Variants in ABCB11 observed in about 807,000 individuals in gnomAD.
ABCB11 encodes bile salt export pump.
A neutral mutation model predicts 148.0 loss-of-function variants in ABCB11; 95 were observed. That is an observed-to-expected ratio of 0.64 (90% CI 0.54 to 0.76). The LOEUF is 0.76. ABCB11 is among the 30% of genes least tolerant of loss of function. The pLI is 0.00. For missense variants in ABCB11, 1,523 were observed against 1,617.8 expected, an observed-to-expected ratio of 0.94 and a Z score of 1.01; for synonymous variants, 591 against 555.4, an observed-to-expected ratio of 1.06 and a Z score of -0.90.
chr2:168,969,598 C>A, intron 15 of ABCB11, 47 bp from the exon 16 acceptor site: 2 of 1,497,850 alleles, frequency 1.3e-6, no homozygotes, highest in Non-Finnish European at 9.2e-7. Context: ...TGAGACAGAG[C>A]TGACACTGAC....
At chr2:168,962,669 A>G (rs1050698838) in intron 18 of ABCB11, among the ~76,000 whole-genome samples, 14 of 151,770 alleles carry the variant, frequency 9.2e-5, no homozygotes, top group African/African-American at 1.4e-4. Context: ...TTATGGTTCA[A>G]TAGAAATGTC....
chr2:168,948,307 A>G (rs1413779440), intron 19 of ABCB11, among the ~76,000 whole-genome samples: 1 of 151,736 alleles, frequency 6.6e-6, no homozygotes, highest in Non-Finnish European at 1.5e-5. Flanking sequence ...ATCCAACCCT[A>G]TTCCCTACAC....
At chr2:168,995,633 C>A (rs1230871081) in intron 6 of ABCB11, among the ~76,000 whole-genome samples, 151 bp from the exon 7 acceptor site, 2 of 151,954 alleles carry the variant, frequency 1.3e-5, no homozygotes, top group Non-Finnish European at 2.9e-5. Flanking sequence ...GATGTGAGCT[C>A]TGTCATCTGC....
chr2:168,925,483 G>A (rs1691266683), intron 26 of ABCB11, among the ~76,000 whole-genome samples: 1 of 152,194 alleles, frequency 6.6e-6, no homozygotes, highest in South Asian at 2.1e-4. Flanking sequence ...AACTATTCTA[G>A]CTAGGGTATC....
chr2:169,004,683 T>G (rs1440262628), intron 5 of ABCB11, among the ~76,000 whole-genome samples: 1 of 152,216 alleles, frequency 6.6e-6, no homozygotes, highest in East Asian at 1.9e-4. Context: ...TTCAGAGATT[T>G]CATCTTGGTT....
chr2:168,924,524 G>T, intron 27 of ABCB11, 133 bp downstream of exon 27: 2 of 770,826 alleles, frequency 2.6e-6, no homozygotes, highest in Non-Finnish European at 2.0e-6. Context: ...TTGTCTTTTG[G>T]TTCCACAAAG....
intron 10 of ABCB11, 56 bp downstream of exon 10, chr2:168,986,054 A>G (rs1304520550): frequency 7.4e-7 from 1 of 1,342,898 alleles, no homozygotes; most frequent in African/African-American, 1.5e-5. Flanking sequence ...TAATCCATGG[A>G]CTTTTCTGAG....
At chr2:168,925,252 G>T (rs1265444039) in intron 26 of ABCB11, among the ~76,000 whole-genome samples, 1 of 152,176 alleles carries the variant, frequency 6.6e-6, no homozygotes, top group Admixed American at 6.5e-5. Flanking sequence ...CACAGGCTTT[G>T]GTTAGAAGCT....
intron 13 of ABCB11, among the ~76,000 whole-genome samples, chr2:168,973,207 A>G (rs1040777192): frequency 2.0e-5 from 3 of 152,066 alleles, no homozygotes; most frequent in Admixed American, 1.3e-4. Flanking sequence ...ACAGTTATGC[A>G]TAGCTAAGCG....
At chr2:168,964,435 G>A in intron 17 of ABCB11, 127 bp from the exon 18 acceptor site, 2 of 760,186 alleles carry the variant, frequency 2.6e-6, no homozygotes, top group East Asian at 2.8e-5. Flanking sequence ...ATGGTAACCA[G>A]GAAAGGGAGC....
At chr2:168,953,452 C>CTTTTTTTTTTTTTTTTTT (rs35351007) in intron 19 of ABCB11, among the ~76,000 whole-genome samples, 1 of 142,666 alleles carries the variant, frequency 7.0e-6, no homozygotes, top group African/African-American at 2.6e-5. Flanking sequence ...ATTATCTTGT[C>CTTTTTTTTTTTTTTTTTT]TTTTTTTTTT....
chr2:168,990,972 G>A, intron 8 of ABCB11, 47 bp from the exon 9 acceptor site: 2 of 1,597,110 alleles, frequency 1.3e-6, no homozygotes, highest in Non-Finnish European at 1.7e-6. Context: ...CAAGAAATTA[G>A]GTAAGTCAGT....
intron 25 of ABCB11, among the ~76,000 whole-genome samples, chr2:168,927,762 T>C (rs1183655469): frequency 2.0e-5 from 3 of 152,178 alleles, no homozygotes; most frequent in African/African-American, 7.2e-5. Flanking sequence ...TTTTGGGCAA[T>C]ATAAGGGTCA....
intron 2 of ABCB11, among the ~76,000 whole-genome samples, 180 bp from the exon 3 acceptor site, chr2:169,016,979 T>TACACACACACACAC (rs71397686): frequency 3.5e-4 from 49 of 138,098 alleles, no homozygotes; most frequent in African/African-American, 1.1e-3. Flanking sequence ...TCTATCTTTC[T>TACACACACACACAC]ACACACACAC....
At chr2:168,976,329 T>C (rs1693900795) in intron 12 of ABCB11, among the ~76,000 whole-genome samples, 1 of 152,128 alleles carries the variant, frequency 6.6e-6, no homozygotes, top group South Asian at 2.1e-4. Context: ...GTCATACAGT[T>C]CATTTAGCCT....
intron 21 of ABCB11, among the ~76,000 whole-genome samples, chr2:168,943,706 G>T (rs924507504): frequency 6.6e-6 from 1 of 151,944 alleles, no homozygotes; most frequent in Non-Finnish European, 1.5e-5. Flanking sequence ...TCCATGATCC[G>T]TTGAAATTCT....
At chr2:168,976,778 G>T in intron 11 of ABCB11, 91 bp from the exon 12 acceptor site, 1 of 751,438 alleles carries the variant, frequency 1.3e-6, no homozygotes, top group Non-Finnish European at 2.3e-6. Context: ...CATCTTTGGC[G>T]TATCTCTGCA....
intron 5 of ABCB11, among the ~76,000 whole-genome samples, chr2:169,004,523 TG>T (rs1248847621): frequency 6.6e-6 from 1 of 152,206 alleles, no homozygotes; most frequent in Non-Finnish European, 1.5e-5. Flanking sequence ...AAGTTGTGGT[TG>T]TTTTTTTATT....
chr2:168,984,167 G>C (rs1426735104), intron 10 of ABCB11, among the ~76,000 whole-genome samples: 4 of 152,040 alleles, frequency 2.6e-5, no homozygotes, highest in African/African-American at 9.7e-5. Context: ...GGGAGAGGGA[G>C]CAGGATAAGA....
Sources: allele counts gnomAD v4.1 joint callset (sites outside exome capture counted in the v4.1 genomes callset), GRCh38; gene constraint gnomAD v4.1.1; transcripts MANE v1.5; gene names NCBI Gene and HGNC (gene_info 2026-07-23, HGNC 2026-07-21).